Variants in GSK3B observed in about 807,000 individuals in gnomAD.
The protein encoded by GSK3B is glycogen synthase kinase-3 beta.
Under a neutral mutation model 56.4 loss-of-function variants are expected in GSK3B, and 15 were observed. The ratio of observed to expected loss-of-function variants is 0.27; its 90% CI spans 0.18 to 0.41. The LOEUF (loss-of-function observed/expected upper bound fraction) is 0.41, where lower values mean the gene tolerates loss of function less well. Among genes scored for constraint, GSK3B ranks in the 10% least tolerant of loss-of-function variants. The pLI is 1.00. For missense variants in GSK3B, 300 were observed against 513.4 expected (o/e 0.58, Z 4.02); for synonymous variants, 181 against 188.9 (o/e 0.96, Z 0.34).
At chr3:119,852,889 T>C (rs2055958921) in intron 9 of GSK3B, among the ~76,000 whole-genome samples, 1 of 152,234 alleles carries the variant, frequency 6.6e-6, no homozygotes, top group Non-Finnish European at 1.5e-5. Context: ...TTCACTCTGA[T>C]GGTAGCTTCT....
intron 10 of GSK3B, among the ~76,000 whole-genome samples, chr3:119,842,733 G>A (rs975422086): frequency 6.6e-6 from 1 of 151,984 alleles, no homozygotes; most frequent in Non-Finnish European, 1.5e-5. Flanking sequence ...AACATTATCA[G>A]AAGATATTTA....
chr3:119,881,738 C>T (rs113586184), intron 7 of GSK3B, among the ~76,000 whole-genome samples: 4,168 of 152,218 alleles, frequency 0.027, 181 homozygotes, highest in African/African-American at 0.092. Flanking sequence ...TTTGGCTATG[C>T]CCCCACCCAA....
At position 120,094,337 on chromosome 3, in the gene GSK3B, CG is replaced by C; in HGVS notation, c.-904del. The C allele has an allele frequency of 7.1e-6, 2 of 280,206 alleles. No individual in the cohort carries two copies. Among genetic ancestry groups the C allele is most frequent in the East Asian group, 5.9e-5 (1 of 16,820 alleles). The allele number at this position is 280,206 out of a possible 1,614,324, so 17.4% of individuals were successfully genotyped here. ...CAGCCCAGAGCCCTGTCAGCGGCTG[CG>C]GGGCCGGCTCCTCCTCGCTTCCTTC... On this transcript the variant is annotated 5_prime_UTR_variant, in exon 1 of 11. Coordinates refer to ENST00000264235, the MANE Select transcript of GSK3B (RefSeq NM_001146156.2).
chr3:119,878,522 G>A (rs1328356964), intron 7 of GSK3B, among the ~76,000 whole-genome samples: 1 of 152,176 alleles, frequency 6.6e-6, no homozygotes, highest in African/African-American at 2.4e-5. Context: ...ATGTGAAATG[G>A]TATATAGCAC....
intron 2 of GSK3B, among the ~76,000 whole-genome samples, chr3:119,960,152 A>C (rs971777550): frequency 4.5e-3 from 156 of 34,742 alleles, no homozygotes; most frequent in African/African-American, 0.022. Context: ...ATGCTGAGAC[A>C]AAAAAAAAAA....
chr3:119,893,899 C>T (rs2056532254), intron 7 of GSK3B, among the ~76,000 whole-genome samples: 1 of 151,514 alleles, frequency 6.6e-6, no homozygotes, highest in Non-Finnish European at 1.5e-5. Context: ...CTTTACTGTA[C>T]TTCATGTATC....
chr3:119,897,423 G>T (rs937399553), intron 7 of GSK3B, among the ~76,000 whole-genome samples: 1 of 151,904 alleles, frequency 6.6e-6, no homozygotes, highest in East Asian at 1.9e-4. Flanking sequence ...GCATCATATC[G>T]TATGTGTAAT....
At chr3:119,979,716 CA>C (rs1241986716) in intron 2 of GSK3B, among the ~76,000 whole-genome samples, 1 of 152,184 alleles carries the variant, frequency 6.6e-6, no homozygotes, top group African/African-American at 2.4e-5. Flanking sequence ...CTGTGTCTTG[CA>C]ACTCTTGGTG....
At chr3:120,075,190 T>C (rs377631346) in intron 1 of GSK3B, among the ~76,000 whole-genome samples, 5 of 152,198 alleles carry the variant, frequency 3.3e-5, no homozygotes, top group African/African-American at 4.8e-5. Context: ...ACTTTCTTGA[T>C]AAAAACTCTT....
At chr3:120,019,618 A>T (rs2057855852) in intron 1 of GSK3B, among the ~76,000 whole-genome samples, 1 of 152,240 alleles carries the variant, frequency 6.6e-6, no homozygotes, top group South Asian at 2.1e-4. Flanking sequence ...CCTAAAATAC[A>T]ATCTTAACCA....
At chr3:119,958,901 G>A (rs1029767495) in intron 2 of GSK3B, among the ~76,000 whole-genome samples, 1 of 151,952 alleles carries the variant, frequency 6.6e-6, no homozygotes, top group Non-Finnish European at 1.5e-5. Context: ...ACTAAAACTC[G>A]AAAATTCTCC....
rs537425954 is a variant in GSK3B at position 119,954,186 on chromosome 3, C to T, written c.283-6835G>A. ...TTGGTGTTATTTTCCAAACTATGGG[C>T]ACCAGCCAATCAGCACTGAGAAGGA... On this transcript the variant is annotated intron_variant, in intron 2 of 10. Coordinates refer to ENST00000264235, the MANE Select transcript of GSK3B (RefSeq NM_001146156.2). Among the ~76,000 whole-genome samples the T allele has an allele frequency of 2.0e-5, 3 of 151,114 alleles. No homozygotes were observed. The East Asian group carries it at 5.9e-4, about 30-fold the overall frequency.
chr3:119,849,049 T>G (rs1189801077), intron 9 of GSK3B, among the ~76,000 whole-genome samples: 2 of 152,198 alleles, frequency 1.3e-5, no homozygotes, highest in East Asian at 3.8e-4. Context: ...TAATCTTATA[T>G]GCAGGAAAGC....
chr3:119,986,331 A>G (rs1358842397), intron 2 of GSK3B, among the ~76,000 whole-genome samples: 1 of 152,218 alleles, frequency 6.6e-6, no homozygotes, highest in African/African-American at 2.4e-5. Context: ...CAAAATAGAC[A>G]AATGGGATCA....
chr3:120,036,842 GA>G (rs1008253809), intron 1 of GSK3B, among the ~76,000 whole-genome samples: 2 of 148,874 alleles, frequency 1.3e-5, no homozygotes, highest in African/African-American at 2.5e-5. Flanking sequence ...GCAGTTTTAG[GA>G]AAAAAGCTTG....
At chr3:119,972,625 T>C (rs568933948) in intron 2 of GSK3B, among the ~76,000 whole-genome samples, 93 of 152,032 alleles carry the variant, frequency 6.1e-4, no homozygotes, top group African/African-American at 2.1e-3. Flanking sequence ...TTAGTAGAGA[T>C]GGGGTTTCAC....
At chr3:119,998,548 G>A (rs2057646159) in intron 2 of GSK3B, among the ~76,000 whole-genome samples, 1 of 152,194 alleles carries the variant, frequency 6.6e-6, no homozygotes, top group East Asian at 1.9e-4. Flanking sequence ...TAAAATCTTT[G>A]TTGCTCTACA....
chr3:120,089,080 T>C (rs1311919341), intron 1 of GSK3B, among the ~76,000 whole-genome samples: 2 of 152,212 alleles, frequency 1.3e-5, no homozygotes, highest in East Asian at 1.9e-4. Flanking sequence ...AATTCTAATA[T>C]AAGGGCTACA....
intron 1 of GSK3B, among the ~76,000 whole-genome samples, chr3:120,038,881 A>C (rs2107529425): frequency 6.6e-6 from 1 of 152,278 alleles, no homozygotes; most frequent in Admixed American, 6.5e-5. Context: ...CTTTGAAAGA[A>C]AGACACTATG....
Sources: gnomAD v4.1 joint callset for allele counts (sites outside exome capture counted in the v4.1 genomes callset) on GRCh38, gnomAD v4.1.1 for gene constraint, MANE v1.5 for transcripts, NCBI Gene and HGNC (gene_info 2026-07-23, HGNC 2026-07-21) for gene names.